PRDM14: variants seen among roughly 807,000 people sequenced by gnomAD.
The protein encoded by PRDM14 is PR/SET domain 14.
PRDM14 carries 16 observed loss-of-function variants against 48.0 expected under a neutral mutation model. The ratio of observed to expected loss-of-function variants is 0.33; its 90% CI spans 0.23 to 0.51. The LOEUF is 0.51. Ranked by LOEUF, PRDM14 falls within the 20% of genes least tolerant of loss-of-function variation. PRDM14 has a pLI of 0.97. For missense variants in PRDM14, 566 were observed against 719.6 expected (o/e 0.79, Z 2.44); for synonymous variants, 264 against 276.6 (o/e 0.95, Z 0.45).
At chr8:70,061,220 T>C (rs559803871) in intron 5 of PRDM14, among the ~76,000 whole-genome samples, 2 of 152,284 alleles carry the variant, frequency 1.3e-5, no homozygotes, top group South Asian at 2.1e-4. Context: ...AAAGCATCCC[T>C]GCAGAGGACA....
chr8:70,067,526 AAAAAC>A (rs1249007144), intron 4 of PRDM14, among the ~76,000 whole-genome samples: 1 of 146,340 alleles, frequency 6.8e-6, no homozygotes, highest in African/African-American at 2.7e-5. Context: ...TCAAGAAAAA[AAAAAC>A]AAAAAAAAAA....
At chr8:70,069,117 A>C in intron 2 of PRDM14, 44 bp downstream of exon 2, 2 of 1,415,436 alleles carry the variant, frequency 1.4e-6, no homozygotes, top group Non-Finnish European at 1.9e-6. Flanking sequence ...TCCCGCCTGC[A>C]TTCCCGTCCA....
At chr8:70,052,675 G>A in intron 7 of PRDM14, among the ~76,000 whole-genome samples, 1 of 151,954 alleles carries the variant, frequency 6.6e-6, no homozygotes, top group Admixed American at 6.6e-5. Context: ...GACCAGCCTG[G>A]CCAACATGGT....
chr8:70,058,865 T>C (rs1265464512), intron 5 of PRDM14, 23 bp from the exon 6 acceptor site: 21 of 1,585,772 alleles, frequency 1.3e-5, no homozygotes, highest in Non-Finnish European at 1.7e-5. Context: ...GCAAACACAA[T>C]GTCTCTTCAG....
In PRDM14 at chr8:70,052,865, C is replaced by CAAAA. The variant is rs71275047; in HGVS notation, c.1489-565_1489-562dup. On this transcript the variant is annotated intron_variant, in intron 7 of 7. Coordinates refer to ENST00000276594, the MANE Select transcript of PRDM14 (RefSeq NM_024504.4). The stretch of plus-strand genomic sequence containing the variant: ...GGGTGACAGAGTGAGACTCTGTCTC[C>CAAAA]AAAAAAAAAAAAAAAAAAAAAAAAA... 1.6e-4 allele frequency among the ~76,000 whole-genome samples: 4 copies of CAAAA among 24,338 alleles called. 1 individual carries two copies. Among genetic ancestry groups the CAAAA allele is most frequent in the African/African-American group, 5.3e-4 (3 of 5,636 alleles). The allele number at this position is 24,338 out of a possible 152,430, so 16.0% of individuals were successfully genotyped here.
chr8:70,057,637 G>C (rs1445133693), intron 6 of PRDM14, among the ~76,000 whole-genome samples: 2 of 152,110 alleles, frequency 1.3e-5, no homozygotes, highest in Non-Finnish European at 2.9e-5. Context: ...TGGCCAGTAA[G>C]CCATAATTTA....
intron 4 of PRDM14, among the ~76,000 whole-genome samples, chr8:70,067,406 T>G (rs1805686703): frequency 6.6e-6 from 1 of 151,518 alleles, no homozygotes; most frequent in Non-Finnish European, 1.5e-5. Context: ...TAATCCTAGC[T>G]ACTCGGAAGA....
intron 5 of PRDM14, among the ~76,000 whole-genome samples, chr8:70,060,474 T>C (rs1023731113): frequency 1.3e-5 from 2 of 152,184 alleles, no homozygotes; most frequent in Admixed American, 1.3e-4. Flanking sequence ...TATTCTTTTA[T>C]AGAAACATAT....
chr8:70,068,478 C>T lies in PRDM14; in HGVS notation c.754+1G>A. 3 of 1,614,080 alleles carry T rather than the reference C, an allele frequency of 1.9e-6. No homozygotes were observed. Among genetic ancestry groups the T allele is most frequent in the Non-Finnish European group, 2.5e-6 (3 of 1,179,968 alleles). ...AAATCCATGCAAGGAGTCCTGCCTA[C>T]CTTCTGGAAGTTGAAGGGAGTCTTT... On this transcript the variant is annotated splice_donor_variant, in intron 3 of 7. Transcript: ENST00000276594. LOFTEE classifies it high-confidence loss of function.
chr8:70,055,210 A>G, intron 7 of PRDM14, 90 bp downstream of exon 7: 1 of 676,606 alleles, frequency 1.5e-6, no homozygotes, highest in African/African-American at 1.8e-5. Context: ...TTTACCAAGA[A>G]CTCATTAAGC....
chr8:70,069,042 T>G, intron 2 of PRDM14, 119 bp downstream of exon 2: 1 of 771,506 alleles, frequency 1.3e-6, no homozygotes, highest in South Asian at 2.6e-5. Flanking sequence ...ATGGAGGTAC[T>G]TCCCCCTTCC....
chr8:70,059,422 C>G (rs1259393204), intron 5 of PRDM14, among the ~76,000 whole-genome samples: 4 of 151,934 alleles, frequency 2.6e-5, no homozygotes, highest in Non-Finnish European at 5.9e-5. Flanking sequence ...CAGGCACACA[C>G]CACCACGCCC....
intron 7 of PRDM14, 47 bp from the exon 8 acceptor site, chr8:70,052,351 G>A (rs759952760): frequency 4.8e-6 from 7 of 1,461,486 alleles, no homozygotes; most frequent in South Asian, 3.6e-5. Flanking sequence ...CAACTTCCAC[G>A]AGCTGGACAA....
At chr8:70,061,529 T>C (rs1325146908) in intron 5 of PRDM14, among the ~76,000 whole-genome samples, 1 of 152,160 alleles carries the variant, frequency 6.6e-6, no homozygotes, top group African/African-American at 2.4e-5. Flanking sequence ...ATCACTTTCA[T>C]TGAGGTGCTA....
At position 70,051,988 on chromosome 8, in the gene PRDM14, G is replaced by T; in HGVS notation, c.*89C>A. ...AGGATTTCACCATGTTGCCCAGGCTGGTCTCGAACTCCTGGACTTGAGTGA... is the reference window on the plus strand; with the variant it reads ...AGGATTTCACCATGTTGCCCAGGCTTGTCTCGAACTCCTGGACTTGAGTGA... On this transcript the variant is annotated 3_prime_UTR_variant, in exon 8 of 8. Transcript: ENST00000276594. 2.4e-6 allele frequency: 2 copies of T among 845,222 alleles called. No homozygotes were observed. The highest frequency in any genetic ancestry group is 3.8e-6 in the Non-Finnish European group (2 of 529,964). 52.4% of individuals were successfully genotyped at this position (845,222 alleles called of 1,614,324 possible).
chr8:70,063,771 C>T (rs1309091746), intron 5 of PRDM14, among the ~76,000 whole-genome samples: 1 of 152,166 alleles, frequency 6.6e-6, no homozygotes, highest in Non-Finnish European at 1.5e-5. Flanking sequence ...GACCCAACCA[C>T]CTTGGCCTCC....
At chr8:70,059,867 G>T (rs541198188) in intron 5 of PRDM14, among the ~76,000 whole-genome samples, 2 of 149,590 alleles carry the variant, frequency 1.3e-5, no homozygotes, top group African/African-American at 4.9e-5. Flanking sequence ...GCTGAGGCAG[G>T]TGGATCACCT....
Position 70,069,154 on chromosome 8 carries a change from C to G in PRDM14, c.700+7G>C, listed in dbSNP as rs766968482. The G allele has an allele frequency of 1.3e-6, 2 of 1,499,996 alleles. No homozygotes were observed. The highest frequency in any genetic ancestry group is 1.8e-6 in the Non-Finnish European group (2 of 1,125,924). 92.9% of individuals were successfully genotyped at this position (1,499,996 alleles called of 1,614,324 possible). ...TTCGACTCCCAAATGGTGTGAACTCCCTTTACCAGAGCTGTCTGGGGGGAC... is the reference window on the plus strand; with the variant it reads ...TTCGACTCCCAAATGGTGTGAACTCGCTTTACCAGAGCTGTCTGGGGGGAC... On this transcript the variant is annotated splice_region_variant and intron_variant, in intron 2 of 7. Coordinates refer to ENST00000276594, the MANE Select transcript of PRDM14 (RefSeq NM_024504.4).
chr8:70,057,985 A>C (rs955950294), intron 6 of PRDM14, among the ~76,000 whole-genome samples: 5 of 152,238 alleles, frequency 3.3e-5, no homozygotes, highest in Non-Finnish European at 7.3e-5. Flanking sequence ...GCCAACAGTC[A>C]AGCAAGAATA....
Sources: gnomAD v4.1 joint callset for allele counts (sites outside exome capture counted in the v4.1 genomes callset) on GRCh38, gnomAD v4.1.1 for gene constraint, MANE v1.5 for transcripts, NCBI Gene and HGNC (gene_info 2026-07-23, HGNC 2026-07-21) for gene names.